Variants in USP6NL observed in about 807,000 individuals in gnomAD.
The protein encoded by USP6NL is USP6 N-terminal-like protein.
A neutral mutation model predicts 61.9 loss-of-function variants in USP6NL; 26 were observed. That is an observed-to-expected ratio of 0.42 (90% CI 0.31 to 0.58). The LOEUF (loss-of-function observed/expected upper bound fraction) is 0.58. Among genes scored for constraint, USP6NL ranks in the 20% least tolerant of loss-of-function variants. The pLI is 0.16. For missense variants in USP6NL, 1,114 were observed against 1,034.3 expected (o/e 1.08, Z -1.06); for synonymous variants, 432 against 390.1 (o/e 1.11, Z -1.27).
At chr10:11,593,716 AG>A (rs1335581562) in intron 2 of USP6NL, among the ~76,000 whole-genome samples, 17 of 152,230 alleles carry the variant, frequency 1.1e-4, no homozygotes, top group Non-Finnish European at 2.5e-4. Flanking sequence ...CCAGAATAAA[AG>A]CGGAAAAACA....
chr10:11,493,340 A>G (rs1385451554), intron 7 of USP6NL, 112 bp from the exon 8 acceptor site: 25 of 854,804 alleles, frequency 2.9e-5, no homozygotes, highest in Non-Finnish European at 4.3e-5. Flanking sequence ...AAATCACTCA[A>G]TGGTTAAAAA....
chr10:11,570,439 A>G (rs566455492), intron 2 of USP6NL, among the ~76,000 whole-genome samples: 1 of 152,354 alleles, frequency 6.6e-6, no homozygotes, highest in South Asian at 2.1e-4. Flanking sequence ...CAAAGCTCCT[A>G]TGTCTTAAAA....
intron 5 of USP6NL, among the ~76,000 whole-genome samples, chr10:11,514,046 T>C (rs763545669): frequency 1.3e-5 from 2 of 152,366 alleles, no homozygotes; most frequent in Non-Finnish European, 2.9e-5. Context: ...GTACCACTTC[T>C]AGCGATGATG....
In USP6NL at chr10:11,462,227, A is replaced by C; in HGVS notation, c.*214T>G. On this transcript the variant is annotated 3_prime_UTR_variant, in exon 15 of 15. Transcript: ENST00000609104. ...ATGCTATTGCGATGTTTCCGGGTTA[A>C]ATTCTAACAGGTCAGTGATGATGCA... The C allele has an allele frequency of 3.5e-6, 2 of 567,652 alleles. No homozygotes were observed. The highest frequency in any genetic ancestry group is 4.7e-4 in the Middle Eastern group (1 of 2,124). The allele number at this position is 567,652 out of a possible 1,614,324, so 35.2% of individuals were successfully genotyped here.
chr10:11,547,056 T>C (rs779143885), intron 2 of USP6NL, among the ~76,000 whole-genome samples: 1 of 152,238 alleles, frequency 6.6e-6, no homozygotes, highest in Non-Finnish European at 1.5e-5. Context: ...ACTTCATTTT[T>C]GTTTTCATCT....
rs977484232 is a variant in USP6NL, at chr10:11,611,333, T to C, written c.-84+110A>G. On this transcript the variant is annotated intron_variant, in intron 1 of 14. Transcript: ENST00000609104. This position sits in a 1 kb window ranked among gnomAD's most constrained non-coding sequence, Gnocchi z 5.3. ...CGTCCCCTCCTCCAGGGGCCGGGAA[T>C]GGCGGCGTCCGGCTCCCCGGGGCCA... 3 of 151,822 alleles carry C rather than the reference T, an allele frequency of 2.0e-5. No individual in the cohort carries two copies. The highest frequency in any genetic ancestry group is 2.1e-4 in the South Asian group (1 of 4,830). The allele number at this position is 151,822 out of a possible 1,614,324, so 9.4% of individuals were successfully genotyped here. A position where few individuals can be genotyped will look rare whatever the true frequency, so the allele number is the denominator to read the frequency against.
At chr10:11,557,039 T>C (rs947190728) in intron 2 of USP6NL, among the ~76,000 whole-genome samples, 2 of 152,178 alleles carry the variant, frequency 1.3e-5, no homozygotes, top group African/African-American at 4.8e-5. Context: ...CAACTCCATA[T>C]CCTCAAAAGC....
rs749811481 is a variant in USP6NL, at chr10:11,496,452, T to C, written c.385-3224A>G. On this transcript the variant is annotated intron_variant, in intron 7 of 14. Transcript: ENST00000609104. This position sits in a 1 kb window ranked among gnomAD's most constrained non-coding sequence, Gnocchi z 5.4. The stretch of plus-strand genomic sequence containing the variant: ...CTGCATTCTCATTTTCCAAAACTGG[T>C]AGCTGTTAAGCATCTCCCATTTTCT... 3.3e-5 allele frequency among the ~76,000 whole-genome samples: 5 copies of C among 152,238 alleles called. No individual in the cohort carries two copies. The highest frequency in any genetic ancestry group is 6.5e-5 in the Admixed American group (1 of 15,288).
At chr10:11,601,457 T>C (rs1416150522) in intron 1 of USP6NL, among the ~76,000 whole-genome samples, 1 of 152,206 alleles carries the variant, frequency 6.6e-6, no homozygotes, top group Non-Finnish European at 1.5e-5. Context: ...GGGAATGTTC[T>C]TTCACTTAAA....
intron 14 of USP6NL, among the ~76,000 whole-genome samples, chr10:11,475,596 C>CAAAAAAAAAAAAAA (rs35589300): frequency 2.6e-5 from 1 of 38,700 alleles, no homozygotes; most frequent in Non-Finnish European, 4.7e-5. Context: ...AACTCTGTCG[C>CAAAAAAAAAAAAAA]AAAAAAAAAA....
chr10:11,467,896 G>C (rs1832542332), intron 14 of USP6NL, among the ~76,000 whole-genome samples: 1 of 152,182 alleles, frequency 6.6e-6, no homozygotes, highest in Admixed American at 6.5e-5. Flanking sequence ...TGTTCTACAG[G>C]TAGGATGACA....
Position 11,585,555 on chromosome 10 carries a change from G to A in USP6NL, c.4+12076C>T, listed in dbSNP as rs754867001. Among the ~76,000 whole-genome samples the A allele has an allele frequency of 4.6e-5, 7 of 152,112 alleles. No individual in the cohort carries two copies. Among genetic ancestry groups the A allele is most frequent in the Non-Finnish European group, 7.4e-5 (5 of 68,008 alleles). ...CGGGCACCTGTACTCCCAGCTACTC[G>A]GGAGGCTGAGGAACGGGAATGGCGC... is the stretch of plus-strand genomic sequence containing the variant. On this transcript the variant is annotated intron_variant, in intron 2 of 14. Transcript: ENST00000609104. This position sits in a 1 kb window ranked among gnomAD's most constrained non-coding sequence, Gnocchi z 4.5.
chr10:11,564,046 T>C (rs1837034580), intron 2 of USP6NL: 1 of 152,218 alleles, frequency 6.6e-6, no homozygotes, highest in Non-Finnish European at 1.5e-5. Flanking sequence ...GCATGTATAT[T>C]TTGTTAGATG....
At chr10:11,506,606 G>A (rs139426842) in intron 6 of USP6NL, among the ~76,000 whole-genome samples, 9 of 151,794 alleles carry the variant, frequency 5.9e-5, no homozygotes, top group South Asian at 2.1e-4. Flanking sequence ...CTATAATTGC[G>A]CAACTGCACC....
intron 4 of USP6NL, among the ~76,000 whole-genome samples, chr10:11,521,194 A>G (rs1167065349): frequency 6.6e-6 from 1 of 151,758 alleles, no homozygotes; most frequent in African/African-American, 2.4e-5. Context: ...TATATTGACT[A>G]AATTTTATTT....
At chr10:11,549,045 G>T (rs1444832551) in intron 2 of USP6NL, among the ~76,000 whole-genome samples, 1 of 152,054 alleles carries the variant, frequency 6.6e-6, no homozygotes, top group Non-Finnish European at 1.5e-5. Flanking sequence ...CTTCTCTTCG[G>T]AGTCTAGTCT....
rs1036823419 is a variant in USP6NL at position 11,591,150 on chromosome 10, C to A, written c.4+6481G>T. ...TACCAGCAGCAAAGCCAGGGTTCCACCTCAAGTCTCTGGGACTCTGGGAAC... is the reference window on the plus strand; with the variant it reads ...TACCAGCAGCAAAGCCAGGGTTCCAACTCAAGTCTCTGGGACTCTGGGAAC... On this transcript the variant is annotated intron_variant, in intron 2 of 14. Coordinates refer to ENST00000609104, the MANE Select transcript of USP6NL (RefSeq NM_014688.5). The surrounding 1 kb of genome is among the most constrained non-coding windows in gnomAD (Gnocchi z 4.7). Among the ~76,000 whole-genome samples the A allele has an allele frequency of 3.3e-5, 5 of 152,116 alleles. No homozygotes were observed. Among genetic ancestry groups the A allele is most frequent in the African/African-American group, 1.2e-4 (5 of 41,416 alleles).
chr10:11,554,918 G>A (rs1361999644), intron 2 of USP6NL, among the ~76,000 whole-genome samples: 2 of 148,184 alleles, frequency 1.3e-5, no homozygotes, highest in Non-Finnish European at 3.0e-5. Flanking sequence ...TCCTGCCTCA[G>A]CCTCCTGAGT....
Position 11,562,197 on chromosome 10 carries a change from G to A in USP6NL, c.5-34630C>T, listed in dbSNP as rs575779062. ...TGGGAGGCTGAAGCCGGTAGGCGGAGGTTGCAGTGAGCCGAGATCGCACCA... is the reference window on the plus strand; with the variant it reads ...TGGGAGGCTGAAGCCGGTAGGCGGAAGTTGCAGTGAGCCGAGATCGCACCA... On this transcript the variant is annotated intron_variant, in intron 2 of 14. Coordinates refer to ENST00000609104, the MANE Select transcript of USP6NL (RefSeq NM_014688.5). The surrounding 1 kb of genome is among the most constrained non-coding windows in gnomAD (Gnocchi z 4.8). 2.3e-4 allele frequency among the ~76,000 whole-genome samples: 35 copies of A among 151,908 alleles called. No homozygotes were observed. Among genetic ancestry groups the A allele is most frequent in the African/African-American group, 7.5e-4 (31 of 41,408 alleles).
Sources: allele counts gnomAD v4.1 joint callset (sites outside exome capture counted in the v4.1 genomes callset), GRCh38; gene constraint gnomAD v4.1.1; non-coding constraint Gnocchi (gnomAD v3.1); transcripts MANE v1.5; gene names NCBI Gene and HGNC (gene_info 2026-07-23, HGNC 2026-07-21).